Variants in GANC observed in about 807,000 individuals in gnomAD.
The protein encoded by GANC is neutral alpha-glucosidase C.
GANC carries 117 observed loss-of-function variants against 124.2 expected under a neutral mutation model. That is an observed-to-expected ratio of 0.94 (90% CI 0.81 to 1.10). GANC has a LOEUF of 1.10. Ranked by LOEUF, GANC falls within the 50% of genes least tolerant of loss-of-function variation. GANC has a pLI of 0.00. For synonymous variants in GANC, 377 were observed against 376.8 expected, an observed-to-expected ratio of 1.00 and a Z score of -0.01; for missense variants, 1,140 against 1,095.0, an observed-to-expected ratio of 1.04 and a Z score of -0.58.
rs1234235175 is a variant in GANC, at chr15:42,326,252, T to C, written c.1294-46T>C. 3 of 1,359,024 alleles carry C rather than the reference T, an allele frequency of 2.2e-6. No individual in the cohort carries two copies. The African/African-American group carries it at 4.3e-5, about 20-fold the overall frequency. 84.2% of individuals were successfully genotyped at this position (1,359,024 alleles called of 1,614,324 possible). On this transcript the variant is annotated intron_variant, in intron 11 of 23. Transcript: ENST00000318010. ...GCGAAAACATATACGTGAACATTTG[T>C]CTTACATAAAACTGATGAGACCTCC... is the stretch of plus-strand genomic sequence containing the variant.
rs192550913 is a variant in GANC, at chr15:42,339,633, G to A, written c.1844-36G>A. 9.7e-4 allele frequency: 1,561 copies of A among 1,602,954 alleles called. 1 individual carries two copies. The highest frequency in any genetic ancestry group is 1.2e-3 in the Admixed American group (68 of 58,612). ...TCCCTGTGTGCATCATTTATCCAAA[G>A]CTTGGTTGCCTCACTTGGCCTTCTT... On this transcript the variant is annotated intron_variant, in intron 16 of 23. Coordinates refer to ENST00000318010, the MANE Select transcript of GANC (RefSeq NM_198141.3).
Position 42,310,709 on chromosome 15 carries a change from T to C in GANC, c.920T>C (p.Met307Thr), listed in dbSNP as rs1190374538. 5 of 1,611,384 alleles carry C rather than the reference T, an allele frequency of 3.1e-6. No homozygotes were observed. In the Admixed American group the frequency reaches 5.0e-5, roughly 16 times the overall value. ...TTTTTCCAGTACACACTGACCCAGATGGGCCCAGTTGCTGCTAAACAAAAG... is the reference window on the plus strand; with the variant it reads ...TTTTTCCAGTACACACTGACCCAGACGGGCCCAGTTGCTGCTAAACAAAAG... The part of the protein sequence containing the change: ...EPAVEYTLTQ[M>T]GPVAAKQKVR... The change falls in exon 10 of 24, where the codon ATG becomes ACG. Residue 307 changes from methionine to threonine, a missense_variant. By Grantham distance (81) the Met-to-Thr change is moderately conservative (BLOSUM62 -1). Coordinates refer to ENST00000318010, the MANE Select transcript of GANC (RefSeq NM_198141.3).
In GANC at chr15:42,273,212, CCTTGCT is replaced by C; in HGVS notation, c.-1268_-1263del. On this transcript the variant is annotated 5_prime_UTR_variant, in exon 1 of 24. Coordinates refer to ENST00000318010, the MANE Select transcript of GANC (RefSeq NM_198141.3). ...CCCCTTGGGCCGCCGTAGCCCCACC[CCTTGCT>C]CCTCTAGGTTCAGACGTTAGTGAAG... The C allele has an allele frequency of 6.2e-7, 1 of 1,610,146 alleles. No homozygotes were observed. Among genetic ancestry groups the C allele is most frequent in the Non-Finnish European group, 8.5e-7 (1 of 1,176,968 alleles).
intron 7 of GANC, among the ~76,000 whole-genome samples, chr15:42,308,000 A>G (rs886101421): frequency 6.6e-6 from 1 of 152,190 alleles, no homozygotes; most frequent in Non-Finnish European, 1.5e-5. Flanking sequence ...AGGCAACAGA[A>G]CTAATACATG....
chr15:42,286,809 C>T (rs1055509278), intron 3 of GANC, among the ~76,000 whole-genome samples: 1 of 152,110 alleles, frequency 6.6e-6, no homozygotes, highest in African/African-American at 2.4e-5. Context: ...CACAACTTAC[C>T]GAGTTTAGCT....
At chr15:42,312,711 G>A (rs1434070763) in intron 10 of GANC, among the ~76,000 whole-genome samples, 2 of 152,156 alleles carry the variant, frequency 1.3e-5, no homozygotes, top group African/African-American at 4.8e-5. Flanking sequence ...GGCTGAGGTG[G>A]GTGGATCACT....
Position 42,274,028 on chromosome 15 carries a change from A to G in GANC, c.-454A>G. The G allele has an allele frequency of 4.2e-6, 1 of 238,254 alleles. No homozygotes were observed. The highest frequency in any genetic ancestry group is 4.6e-5 in the South Asian group (1 of 21,900). 14.8% of individuals were successfully genotyped at this position (238,254 alleles called of 1,614,324 possible). On this transcript the variant is annotated 5_prime_UTR_variant, in exon 1 of 24. Transcript: ENST00000318010. ...GCCGGCACTTCCCACCCTTAACCGA[A>G]AACGGAGACAGAGAGGGTCAGTTTT...
chr15:42,289,087 G>GTTCT (rs2051818581), intron 4 of GANC, among the ~76,000 whole-genome samples: 1 of 152,170 alleles, frequency 6.6e-6, no homozygotes, highest in African/African-American at 2.4e-5. Context: ...TCTGTACTGA[G>GTTCT]TTCTTTCTAG....
In GANC at chr15:42,353,591, C is replaced by T; in HGVS notation, c.*1452C>T. On this transcript the variant is annotated 3_prime_UTR_variant, in exon 24 of 24. Coordinates refer to ENST00000318010, the MANE Select transcript of GANC (RefSeq NM_198141.3). ...TTCTGTCTGACAGAGCACTATTATA[C>T]CTGACTTTCAGTAACTGTTAGCTGT... 5 of 985,630 alleles carry T rather than the reference C, an allele frequency of 5.1e-6. No homozygotes were observed. The highest frequency in any genetic ancestry group is 6.0e-6 in the Non-Finnish European group (5 of 829,776). The allele number at this position is 985,630 out of a possible 1,614,324, so 61.1% of individuals were successfully genotyped here. A position where few individuals can be genotyped will look rare whatever the true frequency, so the allele number is the denominator to read the frequency against.
At chr15:42,293,595 A>G (rs1407150437) in intron 5 of GANC, among the ~76,000 whole-genome samples, 1 of 150,896 alleles carries the variant, frequency 6.6e-6, no homozygotes, top group Non-Finnish European at 1.5e-5. Flanking sequence ...TGTTCATCAT[A>G]GGCAGATTAG....
intron 5 of GANC, among the ~76,000 whole-genome samples, chr15:42,294,051 AAAAC>A (rs1287666393): frequency 2.0e-5 from 3 of 151,532 alleles, no homozygotes; most frequent in East Asian, 1.9e-4. Flanking sequence ...ATTCTGTCTC[AAAAC>A]AAACAAACAA....
Position 42,297,665 on chromosome 15 carries a change from G to T in GANC, c.558+9G>T, listed in dbSNP as rs1424057728. The T allele has an allele frequency of 6.3e-7, 1 of 1,591,044 alleles. No homozygotes were observed. ...CAGTGGACACCTCTCAGGTAATCTA[G>T]ATTGATCCATTTATTGTTATCTTTT... On this transcript the variant is annotated intron_variant, in intron 6 of 23. Transcript: ENST00000318010.
intron 2 of GANC, 97 bp downstream of exon 2, chr15:42,276,507 G>T: frequency 1.7e-6 from 1 of 595,950 alleles, no homozygotes; most frequent in Non-Finnish European, 3.0e-6. Flanking sequence ...ACTTTCCAAG[G>T]AAAGGATAAT....
chr15:42,332,478 G>A (rs1403791508), intron 15 of GANC, among the ~76,000 whole-genome samples: 1 of 152,168 alleles, frequency 6.6e-6, no homozygotes, highest in Non-Finnish European at 1.5e-5. Context: ...TTGCTTCACT[G>A]TGTAGCAAGA....
At chr15:42,297,218 AT>A (rs1566952129) in intron 5 of GANC, among the ~76,000 whole-genome samples, 1 of 152,230 alleles carries the variant, frequency 6.6e-6, no homozygotes, top group Non-Finnish European at 1.5e-5. Flanking sequence ...ATAAAAAATG[AT>A]AAAAGTATTT....
At chr15:42,275,493 G>A (rs2051660511) in intron 1 of GANC, among the ~76,000 whole-genome samples, 2 of 152,122 alleles carry the variant, frequency 1.3e-5, no homozygotes, top group South Asian at 2.1e-4. Flanking sequence ...ATATTTCGAC[G>A]TTTGTGTTCA....
chr15:42,334,960 T>C (rs1379351678), intron 15 of GANC, among the ~76,000 whole-genome samples: 1 of 152,058 alleles, frequency 6.6e-6, no homozygotes. Context: ...AGCTCCAAAA[T>C]TGAATGAGTA....
rs1043507680 is a variant in GANC at position 42,317,489 on chromosome 15, A to C, written c.1058-4296A>C. Among the ~76,000 whole-genome samples the C allele has an allele frequency of 7.2e-5, 11 of 152,270 alleles. No homozygotes were observed. The East Asian group carries it at 1.7e-3, about 24-fold the overall frequency. ...GAAATAGTGGTAATGCTTGTACTAC[A>C]TGGTGAATGTAATTAATGCCATTGA... On this transcript the variant is annotated intron_variant, in intron 10 of 23. Coordinates refer to ENST00000318010, the MANE Select transcript of GANC (RefSeq NM_198141.3).
chr15:42,287,657 C>G, intron 3 of GANC, 34 bp from the exon 4 acceptor site: 2 of 1,590,690 alleles, frequency 1.3e-6, no homozygotes, highest in Non-Finnish European at 1.7e-6. Flanking sequence ...ACTTGGGTAA[C>G]CTGTTGAAGG....
Sources: gnomAD v4.1 joint callset for allele counts (sites outside exome capture counted in the v4.1 genomes callset) on GRCh38, gnomAD v4.1.1 for gene constraint, MANE v1.5 for transcripts, NCBI Gene and HGNC (gene_info 2026-07-23, HGNC 2026-07-21) for gene names.